Variants in GPM6A observed in about 807,000 individuals in gnomAD.
GPM6A encodes neuronal membrane glycoprotein M6-a.
In GPM6A, 7 loss-of-function variants were observed where a neutral mutation model predicts 32.1. The observed-to-expected ratio is 0.22, with a 90% CI of 0.12 to 0.41. The LOEUF (loss-of-function observed/expected upper bound fraction) is 0.41, where lower values mean the gene tolerates loss of function less well. Among genes scored for constraint, GPM6A ranks in the 10% least tolerant of loss-of-function variants. The pLI is 1.00. For missense variants in GPM6A, 235 were observed against 347.2 expected, an observed-to-expected ratio of 0.68 and a Z score of 2.57; for synonymous variants, 130 against 123.4, an observed-to-expected ratio of 1.05 and a Z score of -0.35.
intron 1 of GPM6A, among the ~76,000 whole-genome samples, chr4:175,845,761 A>T (rs1279491867): frequency 6.6e-6 from 1 of 152,126 alleles, no homozygotes; most frequent in Non-Finnish European, 1.5e-5. Context: ...ATTAATTTTC[A>T]TAATTCAAGA....
At chr4:175,694,433 G>T (rs73002145) in intron 2 of GPM6A, among the ~76,000 whole-genome samples, 7,174 of 152,266 alleles carry the variant, frequency 0.047, 204 homozygotes, top group Non-Finnish European at 0.063. Flanking sequence ...TAGATGGAAA[G>T]AAGGAACTTA....
At chr4:175,908,109 A>G (rs1297900858) in intron 1 of GPM6A, among the ~76,000 whole-genome samples, 2 of 152,184 alleles carry the variant, frequency 1.3e-5, no homozygotes, top group Non-Finnish European at 2.9e-5. Context: ...CTATTTGGCC[A>G]TAGTTATCAT....
intron 1 of GPM6A, among the ~76,000 whole-genome samples, chr4:175,763,283 A>G (rs1732823623): frequency 6.6e-6 from 1 of 152,166 alleles, no homozygotes; most frequent in East Asian, 1.9e-4. Flanking sequence ...AAGTGCTGGG[A>G]TTACAGGCAT....
intron 1 of GPM6A, among the ~76,000 whole-genome samples, chr4:175,742,317 G>A (rs1731918486): frequency 6.6e-6 from 1 of 151,970 alleles, no homozygotes; most frequent in Non-Finnish European, 1.5e-5. Context: ...ATTACATCAT[G>A]GATCAGATCA....
intron 2 of GPM6A, among the ~76,000 whole-genome samples, chr4:175,701,314 G>T (rs1409547372): frequency 6.6e-6 from 1 of 152,112 alleles, no homozygotes; most frequent in African/African-American, 2.4e-5. Context: ...TCCACTTAAT[G>T]GTAACCAAAT....
At chr4:175,835,627 G>GTATATATATATATATATATA (rs35980764) in intron 1 of GPM6A, among the ~76,000 whole-genome samples, 3 of 138,628 alleles carry the variant, frequency 2.2e-5, no homozygotes, top group Admixed American at 1.5e-4. Flanking sequence ...GTGAGTGTGT[G>GTATATATATATATATATATA]TATATATATA....
chr4:175,671,656 G>A (rs1487533065), intron 3 of GPM6A, among the ~76,000 whole-genome samples: 1 of 152,124 alleles, frequency 6.6e-6, no homozygotes, highest in Non-Finnish European at 1.5e-5. Flanking sequence ...AAGGGAGGCA[G>A]GGTTCTGCAG....
chr4:175,759,820 TC>T (rs758285235), intron 1 of GPM6A, among the ~76,000 whole-genome samples: 86 of 152,292 alleles, frequency 5.6e-4, no homozygotes, highest in Admixed American at 2.6e-4. Flanking sequence ...AGCAATTTTC[TC>T]CTTCATAAGA....
intron 1 of GPM6A, among the ~76,000 whole-genome samples, chr4:175,931,579 CAT>C (rs1369224459): frequency 2.0e-5 from 3 of 151,604 alleles, no homozygotes. Context: ...TCCAGGGAAA[CAT>C]ATATTTAAAG....
At chr4:175,931,071 T>C (rs1284981504) in intron 1 of GPM6A, among the ~76,000 whole-genome samples, 2 of 152,160 alleles carry the variant, frequency 1.3e-5, no homozygotes, top group Non-Finnish European at 2.9e-5. Context: ...AGTGTCTCTG[T>C]ATGGTAATCA....
intron 1 of GPM6A, among the ~76,000 whole-genome samples, chr4:175,820,193 T>C (rs544005521): frequency 6.6e-6 from 1 of 152,316 alleles, no homozygotes; most frequent in Admixed American, 6.5e-5. Flanking sequence ...ACAGTTATTA[T>C]TCCTTCTTAT....
chr4:175,647,161 G>GT (rs1415449615), intron 4 of GPM6A, among the ~76,000 whole-genome samples: 1 of 152,198 alleles, frequency 6.6e-6, no homozygotes, highest in Non-Finnish European at 1.5e-5. Context: ...TGAATAAGAG[G>GT]TAGGATTGGC....
chr4:175,927,423 C>T (rs372530698), intron 1 of GPM6A, among the ~76,000 whole-genome samples: 2 of 152,166 alleles, frequency 1.3e-5, no homozygotes, highest in African/African-American at 4.8e-5. Flanking sequence ...CTAGAAGAGA[C>T]GTATGATTCC....
Position 175,755,273 on chromosome 4 carries a change from G to GA in GPM6A, c.38-53507dup, listed in dbSNP as rs528302452. Among the ~76,000 whole-genome samples the GA allele has an allele frequency of 4.0e-5, 6 of 149,060 alleles. No individual in the cohort carries two copies. In the East Asian group the frequency reaches 6.0e-4, roughly 15 times the overall value. On this transcript the variant is annotated intron_variant, in intron 1 of 6. Coordinates refer to ENST00000393658, the MANE Select transcript of GPM6A (RefSeq NM_201591.3). The stretch of plus-strand genomic sequence containing the variant: ...AACTGTACTAAAAGATGTCTTAAAT[G>GA]AAAAAAAATAAACAAATATGGTATC...
intron 3 of GPM6A, among the ~76,000 whole-genome samples, chr4:175,664,846 C>T (rs982307228): frequency 1.3e-5 from 2 of 152,166 alleles, no homozygotes; most frequent in Non-Finnish European, 2.9e-5. Context: ...GCAATTTAGT[C>T]TTTGTACAAA....
chr4:175,672,913 A>G (rs1377562891), intron 3 of GPM6A, among the ~76,000 whole-genome samples: 1 of 152,188 alleles, frequency 6.6e-6, no homozygotes, highest in Non-Finnish European at 1.5e-5. Context: ...GCATTTTTGA[A>G]CATTTCTGTG....
upstream of GPM6A, chr4:175,813,189 G>T: frequency 3.8e-6 from 2 of 523,966 alleles, no homozygotes; most frequent in Non-Finnish European, 4.9e-6. Flanking sequence ...TCTTGAAAGG[G>T]AATTTCTTTA....
chr4:175,723,626 A>G (rs1746255788), intron 1 of GPM6A, among the ~76,000 whole-genome samples: 1 of 152,098 alleles, frequency 6.6e-6, no homozygotes. Context: ...TCAATTCTTT[A>G]TTACCTAAAT....
chr4:175,814,660 A>G (rs1050613353), upstream of GPM6A, among the ~76,000 whole-genome samples: 3 of 152,206 alleles, frequency 2.0e-5, no homozygotes, highest in African/African-American at 7.2e-5. Flanking sequence ...ATAAGTCAAC[A>G]TCAACTTGTA....
Sources: gnomAD v4.1 joint callset for allele counts (sites outside exome capture counted in the v4.1 genomes callset) on GRCh38, gnomAD v4.1.1 for gene constraint, MANE v1.5 for transcripts, NCBI Gene and HGNC (gene_info 2026-07-23, HGNC 2026-07-21) for gene names.